NRG2: variants seen among roughly 807,000 people sequenced by gnomAD.
NRG2 encodes the protein pro-neuregulin-2, membrane-bound isoform.
NRG2 carries 27 observed loss-of-function variants against 73.9 expected under a neutral mutation model. The ratio of observed to expected loss-of-function variants is 0.37; its 90% CI spans 0.27 to 0.50. The LOEUF (loss-of-function observed/expected upper bound fraction) is 0.50. NRG2 is among the 20% of genes least tolerant of loss of function. The pLI is 0.96. For synonymous variants in NRG2, 532 were observed against 541.0 expected (o/e 0.98, Z 0.23); for missense variants, 1,126 against 1,210.1 (o/e 0.93, Z 1.03).
chr5:139,958,948 C>T (rs1482312510), intron 1 of NRG2, among the ~76,000 whole-genome samples: 1 of 152,210 alleles, frequency 6.6e-6, no homozygotes, highest in African/African-American at 2.4e-5. Context: ...TGACTTGCCC[C>T]AGGCCCCACA....
chr5:139,887,360 G>A lies in NRG2; in HGVS notation c.852C>T (p.Arg284=). 6.2e-7 allele frequency: 1 copy of A among 1,614,240 alleles called. No homozygotes were observed. The highest frequency in any genetic ancestry group is 8.5e-7 in the Non-Finnish European group (1 of 1,180,032). The part of the protein sequence containing the change: ...GKELNRSRDI[R]IKYGNGRKNS... Reference sequence around the variant, plus strand: ...CTTACCTGCCGTTGCCATATTTGATGCGAATGTCTCGGCTGCGGTTGAGCT... The same window carrying A: ...CTTACCTGCCGTTGCCATATTTGATACGAATGTCTCGGCTGCGGTTGAGCT... Residue 284 remains arginine, a synonymous_variant, in exon 2 of 10, where the codon CGC becomes CGT. Transcript: ENST00000361474. This position sits in a 1 kb window ranked among gnomAD's most constrained non-coding sequence, Gnocchi z 4.5.
chr5:139,852,378 C>T lies in NRG2; in HGVS notation c.1544+54G>A, dbSNP rs937919203. The T allele has an allele frequency of 1.6e-5, 26 of 1,585,516 alleles. No homozygotes were observed. The highest frequency in any genetic ancestry group is 1.2e-4 in the Admixed American group (7 of 56,992). ...GATGTCGGAGTAAGTGGGCACTTTG[C>T]GCCAGATGAAGTATGTGAGTCTACA... On this transcript the variant is annotated intron_variant, in intron 8 of 9. Coordinates refer to ENST00000361474, the MANE Select transcript of NRG2 (RefSeq NM_004883.3). The surrounding 1 kb of genome is among the most constrained non-coding windows in gnomAD (Gnocchi z 4.4).
At chr5:139,898,014 G>GTCCT (rs1468219898) in intron 1 of NRG2, among the ~76,000 whole-genome samples, 2 of 152,228 alleles carry the variant, frequency 1.3e-5, no homozygotes, top group African/African-American at 4.8e-5. Context: ...GCTTGAGAAT[G>GTCCT]TCCTTATTCA....
At chr5:139,918,490 T>G (rs1751432095) in intron 1 of NRG2, among the ~76,000 whole-genome samples, 1 of 152,216 alleles carries the variant, frequency 6.6e-6, no homozygotes, top group South Asian at 2.1e-4. Context: ...GCTTGTCTCG[T>G]TCAGTGCTCT....
At chr5:139,855,375 G>T (rs1447994245) in intron 6 of NRG2, among the ~76,000 whole-genome samples, 6 of 152,214 alleles carry the variant, frequency 3.9e-5, no homozygotes, top group African/African-American at 1.4e-4. Context: ...ATTTGCTCAA[G>T]GTTACATGGG....
intron 1 of NRG2, among the ~76,000 whole-genome samples, chr5:140,006,921 C>G (rs555977664): frequency 6.6e-6 from 1 of 152,092 alleles, no homozygotes; most frequent in Non-Finnish European, 1.5e-5. Flanking sequence ...GAAGTGAAAT[C>G]AAAAATAAAG....
chr5:139,985,259 G>A (rs1355967936), intron 1 of NRG2, among the ~76,000 whole-genome samples: 4 of 150,904 alleles, frequency 2.7e-5, no homozygotes, highest in African/African-American at 9.8e-5. Flanking sequence ...AGAATCACTC[G>A]AATCCTGGAG....
chr5:139,939,499 T>C (rs779419913), intron 1 of NRG2, among the ~76,000 whole-genome samples: 22 of 152,262 alleles, frequency 1.4e-4, no homozygotes, highest in African/African-American at 4.6e-4. Flanking sequence ...GGTCTTGAAC[T>C]CCTGGCCTCA....
intron 1 of NRG2, among the ~76,000 whole-genome samples, chr5:139,994,223 C>CA (rs1031456752): frequency 2.0e-5 from 3 of 151,548 alleles, no homozygotes; most frequent in Non-Finnish European, 2.9e-5. Flanking sequence ...TGCTTTGTTC[C>CA]AAAAAAAAGA....
intron 1 of NRG2, among the ~76,000 whole-genome samples, chr5:139,951,675 A>G (rs541117421): frequency 6.6e-6 from 1 of 152,230 alleles, no homozygotes; most frequent in South Asian, 2.1e-4. Context: ...TTCATCCTAC[A>G]CCACCCAGCT....
chr5:139,853,020 G>T lies in NRG2; in HGVS notation c.1300C>A (p.Arg434=), dbSNP rs769231072. 27 of 1,613,404 alleles carry T rather than the reference G, an allele frequency of 1.7e-5. No homozygotes were observed. The highest frequency in any genetic ancestry group is 2.3e-5 in the Non-Finnish European group (27 of 1,179,758). Residue 434 remains arginine, a synonymous_variant, in exon 7 of 10, where the codon CGG becomes AGG. Transcript: ENST00000361474. The surrounding 1 kb of genome is among the most constrained non-coding windows in gnomAD (Gnocchi z 4.1). ...VVAYCKTKKQ[R]KQMHNHLRQN... ...CGGAGGTGGTTGTGCATCTGCTTCCGCTGTTTTCTGCACAAGGGAAGGGAA... is the reference window on the plus strand; with the variant it reads ...CGGAGGTGGTTGTGCATCTGCTTCCTCTGTTTTCTGCACAAGGGAAGGGAA...
At chr5:140,037,872 C>T (rs1049167130) in intron 1 of NRG2, among the ~76,000 whole-genome samples, 5 of 135,782 alleles carry the variant, frequency 3.7e-5, no homozygotes, top group Non-Finnish European at 4.6e-5. Context: ...TGTGCCACTG[C>T]ACTCTAGCCT....
chr5:140,007,522 T>A (rs952410914), intron 1 of NRG2, among the ~76,000 whole-genome samples: 25 of 152,030 alleles, frequency 1.6e-4, no homozygotes, highest in Admixed American at 4.6e-4. Flanking sequence ...GGGGAGTGTG[T>A]ACCGACAGGC....
Position 139,886,348 on chromosome 5 carries a change from C to G in NRG2, c.872+992G>C, listed in dbSNP as rs78308058. Among the ~76,000 whole-genome samples the G allele has an allele frequency of 4.7e-3, 717 of 152,268 alleles. 7 individuals carry two copies. Among genetic ancestry groups the G allele is most frequent in the African/African-American group, 0.017 (694 of 41,548 alleles). On this transcript the variant is annotated intron_variant, in intron 2 of 9. Coordinates refer to ENST00000361474, the MANE Select transcript of NRG2 (RefSeq NM_004883.3). The stretch of plus-strand genomic sequence containing the variant: ...TCCAGCCCCACATGGCAAACCCAAG[C>G]AGCCTGCCCAGCCCTGGCCTTCTAC...
chr5:139,860,809 G>A (rs1427333801), intron 5 of NRG2, among the ~76,000 whole-genome samples: 1 of 152,128 alleles, frequency 6.6e-6, no homozygotes, highest in East Asian at 1.9e-4. Context: ...TGACTCAAGA[G>A]TCAGTTCTGC....
intron 1 of NRG2, among the ~76,000 whole-genome samples, chr5:139,934,349 C>A (rs1473325467): frequency 6.6e-6 from 1 of 151,772 alleles, no homozygotes; most frequent in African/African-American, 2.4e-5. Context: ...ACAACAATAG[C>A]GAAAAGACTA....
intron 1 of NRG2, among the ~76,000 whole-genome samples, chr5:139,956,028 T>A (rs997037192): frequency 2.6e-5 from 4 of 152,218 alleles, no homozygotes; most frequent in African/African-American, 9.7e-5. Context: ...AGCAGGCAGA[T>A]GCTGAGACAG....
Position 139,848,192 on chromosome 5 carries a change from T to G in NRG2, c.2278A>C (p.Arg760=). 7.4e-7 allele frequency: 1 copy of G among 1,347,684 alleles called. No individual in the cohort carries two copies. Among genetic ancestry groups the G allele is most frequent in the South Asian group, 1.8e-5 (1 of 56,302 alleles). 83.5% of individuals were successfully genotyped at this position (1,347,684 alleles called of 1,614,324 possible). ...CCGCTGCTCAGCGACAGCGAGTCCC[T>G]CGCCGCCCGTGCGCGCTGCGCCGCC... is the stretch of plus-strand genomic sequence containing the variant. The part of the protein sequence containing the change: ...GLAAQRARAA[R]DSLSLSSGSG... The change falls in exon 10 of 10, where the codon AGG becomes CGG. Residue 760 remains arginine, a synonymous_variant. Transcript: ENST00000361474.
intron 1 of NRG2, among the ~76,000 whole-genome samples, chr5:140,031,823 A>G (rs1050193510): frequency 6.6e-6 from 1 of 152,148 alleles, no homozygotes. Context: ...TGAGTGCCAG[A>G]GCCTTCTGAA....
Sources: gnomAD v4.1 joint callset for allele counts (sites outside exome capture counted in the v4.1 genomes callset) on GRCh38, gnomAD v4.1.1 for gene constraint, Gnocchi (gnomAD v3.1) non-coding constraint, MANE v1.5 for transcripts, NCBI Gene and HGNC (gene_info 2026-07-23, HGNC 2026-07-21) for gene names.